Variants in PNPLA8 observed in about 807,000 individuals in gnomAD.
PNPLA8 encodes the protein patatin like domain 8, phospholipase A2.
PNPLA8 carries 39 observed loss-of-function variants against 76.9 expected under a neutral mutation model. That is an observed-to-expected ratio of 0.51 (90% CI 0.39 to 0.66). The LOEUF (loss-of-function observed/expected upper bound fraction) is 0.66, where lower values mean the gene tolerates loss of function less well. Among genes scored for constraint, PNPLA8 ranks in the 30% least tolerant of loss-of-function variants. The pLI is 0.00. For missense variants in PNPLA8, 887 were observed against 918.0 expected (o/e 0.97, Z 0.44); for synonymous variants, 301 against 307.9 (o/e 0.98, Z 0.24).
chr7:108,521,685 G>C (rs926999662), intron 1 of PNPLA8, among the ~76,000 whole-genome samples, 164 bp from the exon 2 acceptor site: 1 of 152,080 alleles, frequency 6.6e-6, no homozygotes, highest in African/African-American at 2.4e-5. Flanking sequence ...ATGAAGGGAG[G>C]AAGAAAATTA....
chr7:108,494,060 C>T (rs953250068), intron 7 of PNPLA8, among the ~76,000 whole-genome samples: 15 of 152,020 alleles, frequency 9.9e-5, no homozygotes, highest in African/African-American at 3.6e-4. Flanking sequence ...TTTGGATTAA[C>T]ATCTGATTAA....
intron 4 of PNPLA8, among the ~76,000 whole-genome samples, chr7:108,509,921 G>A (rs1243596309): frequency 2.0e-3 from 288 of 144,170 alleles, no homozygotes; most frequent in African/African-American, 6.3e-3. Context: ...GTAAACTATC[G>A]CAAGAACAAA....
chr7:108,484,002 G>T (rs1261880372), intron 9 of PNPLA8, among the ~76,000 whole-genome samples: 1 of 152,022 alleles, frequency 6.6e-6, no homozygotes, highest in African/African-American at 2.4e-5. Flanking sequence ...AATCAAGTAG[G>T]TATTTTAGAT....
chr7:108,493,568 CTTTTTTTTTTTTTT>C lies in PNPLA8; in HGVS notation c.1626-2115_1626-2102del, dbSNP rs34935118. 2.2e-4 allele frequency among the ~76,000 whole-genome samples: 18 copies of C among 81,210 alleles called. 1 individual carries two copies. The highest frequency in any genetic ancestry group is 4.8e-5 in the African/African-American group (1 of 20,936). The allele number at this position is 81,210 out of a possible 152,430, so 53.3% of individuals were successfully genotyped here. A position where few individuals can be genotyped will look rare whatever the true frequency, so the allele number is the denominator to read the frequency against. ...TACAGGCGCCCGCCCCCATGCCTGG[CTTTTTTTTTTTTTT>C]TTTTTTTTTTTGTATTTTTAGTAGA... On this transcript the variant is annotated intron_variant, in intron 7 of 10. Coordinates refer to ENST00000257694, the MANE Select transcript of PNPLA8 (RefSeq NM_001256007.3).
rs577437461 is a variant in PNPLA8 at position 108,504,883 on chromosome 7, C to A, written c.1207-2241G>T. ...CCTGAGGTTGGGAGTTCGAGACCAG[C>A]CTGACCAACATGGGGAAACCCCATC... On this transcript the variant is annotated intron_variant, in intron 4 of 10. Transcript: ENST00000257694. Among the ~76,000 whole-genome samples, 51 of 152,086 alleles carry A rather than the reference C, an allele frequency of 3.4e-4. No homozygotes were observed. The East Asian group carries it at 9.3e-3, about 28-fold the overall frequency.
rs1207650368 is a variant in PNPLA8 at position 108,471,672 on chromosome 7, G to T, written c.*729C>A. On this transcript the variant is annotated 3_prime_UTR_variant, in exon 11 of 11. Coordinates refer to ENST00000257694, the MANE Select transcript of PNPLA8 (RefSeq NM_001256007.3). ...TGTTAATGATAGGAATATCTCCTCA[G>T]TAAGTTCAAACCATTTTATAACAGG... The T allele has an allele frequency of 2.0e-5, 3 of 152,164 alleles. No homozygotes were observed. Among genetic ancestry groups the T allele is most frequent in the Non-Finnish European group, 2.9e-5 (2 of 68,030 alleles). The allele number at this position is 152,164 out of a possible 1,614,324, so 9.4% of individuals were successfully genotyped here. A position where few individuals can be genotyped will look rare whatever the true frequency, so the allele number is the denominator to read the frequency against.
At chr7:108,499,212 A>G (rs1861773960) in intron 5 of PNPLA8, among the ~76,000 whole-genome samples, 1 of 152,224 alleles carries the variant, frequency 6.6e-6, no homozygotes, top group Non-Finnish European at 1.5e-5. Context: ...AAATAAATCA[A>G]AATACTAAAA....
At chr7:108,481,588 G>T (rs190975420) in intron 9 of PNPLA8, among the ~76,000 whole-genome samples, 9 of 152,210 alleles carry the variant, frequency 5.9e-5, no homozygotes, top group Admixed American at 3.3e-4. Context: ...TAACTCCTTT[G>T]TTGGACATGT....
chr7:108,514,387 T>A, intron 3 of PNPLA8, 49 bp downstream of exon 3: 3 of 1,555,358 alleles, frequency 1.9e-6, no homozygotes, highest in Non-Finnish European at 2.6e-6. Flanking sequence ...ATAAAACTTA[T>A]AAATTTGACA....
Position 108,487,786 on chromosome 7 carries a change from T to A in PNPLA8, c.1851A>T (p.Glu617Asp). The change falls in exon 9 of 11, where the codon GAA becomes GAT. Residue 617 changes from glutamate (E) to aspartate (D), a missense_variant. Transcript: ENST00000257694. ...ASSAAPGYFA[E>D]YALGNDLHQD... ...GATGAAGATCATTTCCCAATGCATA[T>A]TCTGCAAAGTAGCCTGGAGCAGCAG... The A allele has an allele frequency of 6.2e-7, 1 of 1,609,712 alleles. No homozygotes were observed. Among genetic ancestry groups the A allele is most frequent in the South Asian group, 1.1e-5 (1 of 90,002 alleles).
At chr7:108,505,315 TA>T (rs1862270098) in intron 4 of PNPLA8, among the ~76,000 whole-genome samples, 2 of 3,308 alleles carry the variant, frequency 6.0e-4, no homozygotes, top group Non-Finnish European at 1.0e-3. Context: ...TATATATATA[TA>T]TATATATATA....
chr7:108,476,328 C>A (rs1404393951), intron 10 of PNPLA8, among the ~76,000 whole-genome samples: 2 of 152,190 alleles, frequency 1.3e-5, no homozygotes, highest in Non-Finnish European at 2.9e-5. Context: ...AAAGTACAGA[C>A]TTAACTCTTA....
At chr7:108,510,523 C>T in intron 4 of PNPLA8, 1 of 1,361,312 alleles carries the variant, frequency 7.3e-7, no homozygotes, top group South Asian at 1.2e-5. Context: ...TCAGAGGTAT[C>T]AGTGGCGTGA....
intron 4 of PNPLA8, chr7:108,510,257 A>G: frequency 5.2e-6 from 8 of 1,546,742 alleles, no homozygotes; most frequent in South Asian, 2.3e-5. Flanking sequence ...AGAGAAGAAG[A>G]AGGTTCCTGC....
chr7:108,526,372 GTGA>G (rs1270551423), upstream of PNPLA8: 327 of 143,306 alleles, frequency 2.3e-3, no homozygotes, highest in African/African-American at 7.6e-3. Flanking sequence ...GCGTGCGTGC[GTGA>G]TGCGCGAGGC....
chr7:108,476,159 GTTATATC>G (rs1321227277), intron 10 of PNPLA8, among the ~76,000 whole-genome samples: 3 of 123,042 alleles, frequency 2.4e-5, no homozygotes, highest in Non-Finnish European at 5.5e-5. Context: ...CAATGTTGTT[GTTATATC>G]TTATAACAGC....
chr7:108,491,119 A>G (rs1449295714), intron 8 of PNPLA8, among the ~76,000 whole-genome samples: 1 of 152,128 alleles, frequency 6.6e-6, no homozygotes, highest in Non-Finnish European at 1.5e-5. Context: ...AGCCTGACCA[A>G]CATGAAGAAA....
At chr7:108,517,137 C>A (rs1320920043) in intron 2 of PNPLA8, among the ~76,000 whole-genome samples, 2 of 152,112 alleles carry the variant, frequency 1.3e-5, no homozygotes, top group East Asian at 3.8e-4. Flanking sequence ...ATATAGATAA[C>A]AAATAAACAT....
At position 108,514,216 on chromosome 7, in the gene PNPLA8, G is replaced by A. The variant is rs1490148324; in HGVS notation, c.1134C>T (p.Leu378=). The change falls in exon 4 of 11, where the codon CTC becomes CTT. Residue 378 remains leucine, a synonymous_variant. Transcript: ENST00000257694. ...QALRRTTDPK[L]CITRVEELTF... ...TCAGTTCTTCAACCCTAGTAATGCA[G>A]AGCTTTGGGTCAGTTGTTCTTCTTA... 1 of 1,609,020 alleles carries A rather than the reference G, an allele frequency of 6.2e-7. No homozygotes were observed. Among genetic ancestry groups the A allele is most frequent in the Admixed American group, 1.7e-5 (1 of 59,968 alleles).
Sources: allele counts gnomAD v4.1 joint callset (sites outside exome capture counted in the v4.1 genomes callset), GRCh38; gene constraint gnomAD v4.1.1; transcripts MANE v1.5; gene names NCBI Gene and HGNC (gene_info 2026-07-23, HGNC 2026-07-21).